Variants in AGPAT4 observed in about 807,000 individuals in gnomAD.
The protein encoded by AGPAT4 is 1-acylglycerol-3-phosphate O-acyltransferase 4.
In AGPAT4, 15 loss-of-function variants were observed where a neutral mutation model predicts 48.0. That is an observed-to-expected ratio of 0.31 (90% confidence interval 0.21 to 0.48). The LOEUF (loss-of-function observed/expected upper bound fraction) is 0.48. AGPAT4 is among the 20% of genes least tolerant of loss of function. AGPAT4 has a pLI of 0.99. For synonymous variants in AGPAT4, 178 were observed against 198.7 expected (o/e 0.90, Z 0.88); for missense variants, 314 against 482.5 (o/e 0.65, Z 3.27).
Position 161,216,912 on chromosome 6 carries a change from G to C in AGPAT4, c.178+15124C>G, listed in dbSNP as rs1781662083. On this transcript the variant is annotated intron_variant, in intron 2 of 8. Coordinates refer to ENST00000320285, the MANE Select transcript of AGPAT4 (RefSeq NM_020133.3). The surrounding 1 kb of genome is among the most constrained non-coding windows in gnomAD (Gnocchi z 4.8). ...ACAATTCAAGTTGAGATTTCGGTGG[G>C]GACACAGCCAAACCTATCACCCAGT... 6.6e-6 allele frequency among the ~76,000 whole-genome samples: 1 copy of C among 151,620 alleles called. No homozygotes were observed.
chr6:161,251,349 A>T lies in AGPAT4; in HGVS notation c.-89-19047T>A, dbSNP rs77153529. Among the ~76,000 whole-genome samples the T allele has an allele frequency of 4.4e-3, 674 of 152,326 alleles. 8 individuals carry two copies. The highest frequency in any genetic ancestry group is 0.032 in the East Asian group (168 of 5,182). The stretch of plus-strand genomic sequence containing the variant: ...TCTCTCCTACATCGAATACCAATAA[A>T]CAGACATGAATTGAACTGTAGGGGT... On this transcript the variant is annotated intron_variant, in intron 1 of 8. Transcript: ENST00000320285. This position sits in a 1 kb window ranked among gnomAD's most constrained non-coding sequence, Gnocchi z 4.6.
intron 1 of AGPAT4, among the ~76,000 whole-genome samples, chr6:161,252,377 C>T (rs191888195): frequency 1.4e-3 from 213 of 152,306 alleles, no homozygotes; most frequent in African/African-American, 4.9e-3. Context: ...GTCTTGAATT[C>T]TGCTTTTGCT....
chr6:161,166,125 T>C lies in AGPAT4; in HGVS notation c.348+123A>G. The C allele has an allele frequency of 1.5e-6, 2 of 1,323,722 alleles. No homozygotes were observed. The highest frequency in any genetic ancestry group is 2.1e-6 in the Non-Finnish European group (2 of 959,024). 82.0% of individuals were successfully genotyped at this position (1,323,722 alleles called of 1,614,324 possible). ...AATAAAAAGCAGTTTATTAGGACCA[T>C]TTCATCAAGTAGAAACTCTGTTGAT... On this transcript the variant is annotated intron_variant, in intron 3 of 8. Transcript: ENST00000320285. This position sits in a 1 kb window ranked among gnomAD's most constrained non-coding sequence, Gnocchi z 6.7.
chr6:161,163,906 A>C (rs914539893), intron 3 of AGPAT4, among the ~76,000 whole-genome samples: 9 of 152,276 alleles, frequency 5.9e-5, no homozygotes, highest in Admixed American at 5.2e-4. Flanking sequence ...CGAAGACTCT[A>C]ATCCTAAGCA....
chr6:161,187,597 G>A (rs1780806698), intron 2 of AGPAT4, among the ~76,000 whole-genome samples: 1 of 151,920 alleles, frequency 6.6e-6, no homozygotes, highest in African/African-American at 2.4e-5. Flanking sequence ...TGGATGGAGT[G>A]CAGTGGCACA....
rs1383901312 is a variant in AGPAT4, at chr6:161,243,665, C to T, written c.-89-11363G>A. Among the ~76,000 whole-genome samples, 1 of 152,184 alleles carries T rather than the reference C, an allele frequency of 6.6e-6. No individual in the cohort carries two copies. Among genetic ancestry groups the T allele is most frequent in the African/African-American group, 2.4e-5 (1 of 41,438 alleles). On this transcript the variant is annotated intron_variant, in intron 1 of 8. Coordinates refer to ENST00000320285, the MANE Select transcript of AGPAT4 (RefSeq NM_020133.3). This position sits in a 1 kb window ranked among gnomAD's most constrained non-coding sequence, Gnocchi z 4.8. ...AACAGCACAACAGCTGCAGGAAGAA[C>T]CCTCAGTCGAAGCCCCTGCCTCTCT...
Position 161,154,145 on chromosome 6 carries a change from A to G in AGPAT4, c.510+4T>C, listed in dbSNP as rs1779693169. Reference sequence around the variant, plus strand: ...GGGACACAGCTGCTCTGGTGCCTACATACAAAATACTTCTCGGGGTAGTCC... The same window carrying G: ...GGGACACAGCTGCTCTGGTGCCTACGTACAAAATACTTCTCGGGGTAGTCC... On this transcript the variant is annotated splice_donor_region_variant and intron_variant, in intron 4 of 8. Coordinates refer to ENST00000320285, the MANE Select transcript of AGPAT4 (RefSeq NM_020133.3). The surrounding 1 kb of genome is among the most constrained non-coding windows in gnomAD (Gnocchi z 7.8). 1 of 1,614,052 alleles carries G rather than the reference A, an allele frequency of 6.2e-7. No individual in the cohort carries two copies. The highest frequency in any genetic ancestry group is 8.5e-7 in the Non-Finnish European group (1 of 1,180,008).
intron 1 of AGPAT4, among the ~76,000 whole-genome samples, chr6:161,263,187 G>A (rs1311574637): frequency 2.1e-5 from 1 of 48,126 alleles, no homozygotes; most frequent in Non-Finnish European, 3.9e-5. Context: ...GCTTAAGGAA[G>A]GTGCATTTCC....
In AGPAT4 at chr6:161,255,615, C is replaced by T. The variant is rs1047604433; in HGVS notation, c.-90+18323G>A. ...AAAAACATGTTATATGAAAGAAACCCGTCACAAAACACCACATATGGTACG... is the reference window on the plus strand; with the variant it reads ...AAAAACATGTTATATGAAAGAAACCTGTCACAAAACACCACATATGGTACG... On this transcript the variant is annotated intron_variant, in intron 1 of 8. Transcript: ENST00000320285. This position sits in a 1 kb window ranked among gnomAD's most constrained non-coding sequence, Gnocchi z 4.7. Among the ~76,000 whole-genome samples, 1 of 151,982 alleles carries T rather than the reference C, an allele frequency of 6.6e-6. No homozygotes were observed. The highest frequency in any genetic ancestry group is 1.5e-5 in the Non-Finnish European group (1 of 68,012).
intron 2 of AGPAT4, among the ~76,000 whole-genome samples, chr6:161,193,770 G>A (rs1170508614): frequency 6.6e-6 from 1 of 152,198 alleles, no homozygotes; most frequent in Admixed American, 6.5e-5. Context: ...CAGCAACGCT[G>A]TGGTGCCCTG....
chr6:161,241,652 G>C (rs1262258789), intron 1 of AGPAT4, among the ~76,000 whole-genome samples: 1 of 152,222 alleles, frequency 6.6e-6, no homozygotes, highest in African/African-American at 2.4e-5. Flanking sequence ...AACTTATTCT[G>C]TCATGAGAAG....
rs1220098181 is a variant in AGPAT4 at position 161,140,260 on chromosome 6, A to G, written c.844-640T>C. On this transcript the variant is annotated intron_variant, in intron 7 of 8. Coordinates refer to ENST00000320285, the MANE Select transcript of AGPAT4 (RefSeq NM_020133.3). This position sits in a 1 kb window ranked among gnomAD's most constrained non-coding sequence, Gnocchi z 6.5. ...GGGTGTGGCTCTCAGAGGTGACAGC[A>G]CACTCAGGACTGGGTGTCCAGGGTG... Among the ~76,000 whole-genome samples the G allele has an allele frequency of 6.6e-6, 1 of 152,196 alleles. No individual in the cohort carries two copies. The highest frequency in any genetic ancestry group is 6.5e-5 in the Admixed American group (1 of 15,288).
At chr6:161,269,166 A>G (rs1195908121) in intron 1 of AGPAT4, among the ~76,000 whole-genome samples, 1 of 152,184 alleles carries the variant, frequency 6.6e-6, no homozygotes, top group Non-Finnish European at 1.5e-5. Flanking sequence ...TGAGTAATTC[A>G]CTATGAATGG....
intron 2 of AGPAT4, among the ~76,000 whole-genome samples, chr6:161,183,069 C>T (rs1000161089): frequency 6.6e-6 from 1 of 152,172 alleles, no homozygotes; most frequent in African/African-American, 2.4e-5. Flanking sequence ...CCTCCTGCCC[C>T]CACCACCATT....
Position 161,262,605 on chromosome 6 carries a change from T to A in AGPAT4, c.-90+11333A>T, listed in dbSNP as rs1783134363. Among the ~76,000 whole-genome samples, 1 of 152,176 alleles carries A rather than the reference T, an allele frequency of 6.6e-6. No individual in the cohort carries two copies. The highest frequency in any genetic ancestry group is 1.5e-5 in the Non-Finnish European group (1 of 68,030). On this transcript the variant is annotated intron_variant, in intron 1 of 8. Coordinates refer to ENST00000320285, the MANE Select transcript of AGPAT4 (RefSeq NM_020133.3). The surrounding 1 kb of genome is among the most constrained non-coding windows in gnomAD (Gnocchi z 4.9). ...TAAAAACACAGGCTTACTGGGGCTC[T>A]TAGGGGCTGAGTTCTCCCCTTCTGA...
chr6:161,228,460 G>T (rs1782038108), intron 2 of AGPAT4, among the ~76,000 whole-genome samples: 1 of 152,098 alleles, frequency 6.6e-6, no homozygotes, highest in Non-Finnish European at 1.5e-5. Context: ...CACTGAATTT[G>T]GACGCAGGGC....
At chr6:161,253,278 G>A (rs1209181673) in intron 1 of AGPAT4, among the ~76,000 whole-genome samples, 12 of 146,156 alleles carry the variant, frequency 8.2e-5, no homozygotes, top group East Asian at 6.0e-4. Context: ...TTTTTGAGAC[G>A]GAGTCTTGCG....
In AGPAT4 at chr6:161,180,624, T is replaced by A. The variant is rs1185875004; in HGVS notation, c.179-14207A>T. Among the ~76,000 whole-genome samples, 2 of 152,222 alleles carry A rather than the reference T, an allele frequency of 1.3e-5. No homozygotes were observed. Among genetic ancestry groups the A allele is most frequent in the African/African-American group, 4.8e-5 (2 of 41,454 alleles). On this transcript the variant is annotated intron_variant, in intron 2 of 8. Coordinates refer to ENST00000320285, the MANE Select transcript of AGPAT4 (RefSeq NM_020133.3). The surrounding 1 kb of genome is among the most constrained non-coding windows in gnomAD (Gnocchi z 6.4). ...AACTGATAATAATTTAGGTTAAAAATTAAAGCCCTCATCCTCAGAAGCATC... is the reference window on the plus strand; with the variant it reads ...AACTGATAATAATTTAGGTTAAAAAATAAAGCCCTCATCCTCAGAAGCATC...
At chr6:161,258,791 G>A (rs958743045) in intron 1 of AGPAT4, among the ~76,000 whole-genome samples, 1 of 146,494 alleles carries the variant, frequency 6.8e-6, no homozygotes, top group Non-Finnish European at 1.5e-5. Flanking sequence ...TTTACCACAA[G>A]CATTTAATTT....
Sources: gnomAD v4.1 joint callset for allele counts (sites outside exome capture counted in the v4.1 genomes callset) on GRCh38, gnomAD v4.1.1 for gene constraint, Gnocchi (gnomAD v3.1) non-coding constraint, MANE v1.5 for transcripts, NCBI Gene and HGNC (gene_info 2026-07-23, HGNC 2026-07-21) for gene names.